Variants in IFT74 observed in about 807,000 individuals in gnomAD.
IFT74 encodes the protein intraflagellar transport 74.
Under a neutral mutation model 96.7 loss-of-function variants are expected in IFT74, and 92 were observed. The observed-to-expected ratio is 0.95, with a 90% CI of 0.80 to 1.13. The LOEUF (loss-of-function observed/expected upper bound fraction) is 1.13. Among genes scored for constraint, IFT74 ranks in the 50% most tolerant of loss-of-function variants. The pLI is 0.00. For missense variants in IFT74, 811 were observed against 698.2 expected (o/e 1.16, Z -1.82); for synonymous variants, 223 against 213.2 (o/e 1.05, Z -0.40).
Position 26,988,733 on chromosome 9 carries a change from GA to G in IFT74, c.525+9del. The G allele has an allele frequency of 3.3e-6, 5 of 1,525,638 alleles. No individual in the cohort carries two copies. The highest frequency in any genetic ancestry group is 4.5e-6 in the Non-Finnish European group (5 of 1,119,900). 94.5% of individuals were successfully genotyped at this position (1,525,638 alleles called of 1,614,324 possible). The stretch of plus-strand genomic sequence containing the variant: ...GTAATGAATGATTACAATATGGTAA[GA>G]AAATTTATAAAAGCAAATTGATCTA... On this transcript the variant is annotated splice_donor_region_variant and intron_variant, in intron 7 of 19. Coordinates refer to ENST00000380062, the MANE Select transcript of IFT74 (RefSeq NM_025103.4).
chr9:27,062,024 G>C (rs1820448369), intron 19 of IFT74, among the ~76,000 whole-genome samples: 1 of 152,168 alleles, frequency 6.6e-6, no homozygotes, highest in African/African-American at 2.4e-5. Flanking sequence ...ACTAGATCCT[G>C]ACTCAGTGGC....
intron 13 of IFT74, among the ~76,000 whole-genome samples, chr9:27,029,886 C>G (rs940015548): frequency 1.3e-5 from 2 of 152,158 alleles, no homozygotes; most frequent in Non-Finnish European, 2.9e-5. Context: ...CCACCCAGGT[C>G]TAGTAATGAA....
intron 10 of IFT74, among the ~76,000 whole-genome samples, chr9:27,015,187 C>T (rs1030719422): frequency 6.6e-6 from 1 of 152,152 alleles, no homozygotes; most frequent in African/African-American, 2.4e-5. Flanking sequence ...AAAATATCTG[C>T]ATTTCTTCTA....
At chr9:27,061,486 T>C (rs1820419603) in intron 19 of IFT74, among the ~76,000 whole-genome samples, 2 of 152,032 alleles carry the variant, frequency 1.3e-5, no homozygotes, top group Non-Finnish European at 2.9e-5. Context: ...CTCGCCAACT[T>C]AGCCAGGCTG....
At chr9:26,971,267 C>A (rs1250395331) in intron 2 of IFT74, among the ~76,000 whole-genome samples, 1 of 152,156 alleles carries the variant, frequency 6.6e-6, no homozygotes, top group Non-Finnish European at 1.5e-5. Flanking sequence ...ATCTCTTCCC[C>A]TGAGGAGTGA....
rs370049734 is a variant in IFT74 at position 26,957,210 on chromosome 9, A to T, written c.-20+694A>T. On this transcript the variant is annotated intron_variant, in intron 1 of 19. Coordinates refer to ENST00000380062, the MANE Select transcript of IFT74 (RefSeq NM_025103.4). ...TATTTGTTGCTAATGCCCGCCTCTT[A>T]ATCCCACTGGTAATAATATAATGGT... Among the ~76,000 whole-genome samples the T allele has an allele frequency of 3.3e-5, 5 of 152,338 alleles. No individual in the cohort carries two copies. In the East Asian group the frequency reaches 7.7e-4, roughly 24 times the overall value.
chr9:26,975,933 C>T lies in IFT74; in HGVS notation c.121-2195C>T, dbSNP rs547908397. On this transcript the variant is annotated intron_variant, in intron 2 of 19. Transcript: ENST00000380062. ...CTGCCACATGAGGTGACCACGGGAC[C>T]GTGCAGATAGGACCCACTCAATCCA... Among the ~76,000 whole-genome samples, 15 of 151,888 alleles carry T rather than the reference C, an allele frequency of 9.9e-5. No homozygotes were observed. In the East Asian group the frequency reaches 1.4e-3, roughly 14 times the overall value.
intron 13 of IFT74, among the ~76,000 whole-genome samples, chr9:27,030,484 G>C (rs1830069071): frequency 1.4e-5 from 2 of 145,458 alleles, no homozygotes; most frequent in South Asian, 4.4e-4. Context: ...GGAGGCGGAG[G>C]TTGCAGTGAG....
intron 12 of IFT74, among the ~76,000 whole-genome samples, chr9:27,028,057 C>T (rs1394764084): frequency 6.6e-6 from 1 of 152,186 alleles, no homozygotes; most frequent in Non-Finnish European, 1.5e-5. Flanking sequence ...AAATACTCTT[C>T]TTTCCCCATT....
intron 13 of IFT74, among the ~76,000 whole-genome samples, chr9:27,044,471 C>T (rs1184414858): frequency 6.6e-6 from 1 of 152,116 alleles, no homozygotes; most frequent in Non-Finnish European, 1.5e-5. Flanking sequence ...TCTCAGCACC[C>T]ATAGTGTTCA....
rs945165832 is a variant in IFT74, at chr9:27,063,614, T to C, written c.*878T>C. Among the ~76,000 whole-genome samples the C allele has an allele frequency of 1.3e-5, 2 of 152,118 alleles. No individual in the cohort carries two copies. The highest frequency in any genetic ancestry group is 2.9e-5 in the Non-Finnish European group (2 of 67,966). On this transcript the variant is annotated 3_prime_UTR_variant, in exon 20 of 20. Coordinates refer to ENST00000380062, the MANE Select transcript of IFT74 (RefSeq NM_025103.4). ...GAGTCACCTTGGCCAGCATAAAATATTACTTAAAACTATCCTGTTTTTGCT... is the reference window on the plus strand; with the variant it reads ...GAGTCACCTTGGCCAGCATAAAATACTACTTAAAACTATCCTGTTTTTGCT...
chr9:27,004,137 A>T (rs924285669), intron 8 of IFT74, among the ~76,000 whole-genome samples: 1 of 152,214 alleles, frequency 6.6e-6, no homozygotes, highest in Non-Finnish European at 1.5e-5. Context: ...CAGGTGAAAA[A>T]AGTAATGGAG....
intron 2 of IFT74, among the ~76,000 whole-genome samples, chr9:26,973,019 G>A (rs2131510989): frequency 6.6e-6 from 1 of 152,216 alleles, no homozygotes; most frequent in South Asian, 2.1e-4. Context: ...AAGACGTTAG[G>A]GGAGTCTGTA....
intron 11 of IFT74, 134 bp from the exon 12 acceptor site, chr9:27,018,513 C>A (rs977827831): frequency 1.1e-5 from 5 of 451,496 alleles, no homozygotes; most frequent in Middle Eastern, 1.2e-3. Context: ...AGGTTGAAAT[C>A]TAAAAAATAG....
rs1828931859 is a variant in IFT74 at position 27,009,142 on chromosome 9, A to G, written c.710A>G (p.Asn237Ser). The G allele has an allele frequency of 6.2e-7, 1 of 1,612,448 alleles. No individual in the cohort carries two copies. The highest frequency in any genetic ancestry group is 1.7e-5 in the Admixed American group (1 of 59,924). Residue 237 changes from asparagine (N) to serine (S), a missense_variant, in exon 9 of 20, where the codon AAT (asparagine) becomes AGT (serine). Physicochemically the swap from Asn to Ser is conservative, Grantham distance 46. Transcript: ENST00000380062. ...QVKYLEMKTT[N>S]EKLLQELDTL... Reference sequence around the variant, plus strand: ...AAGTACCTAGAGATGAAAACCACAAATGAGAAACTGTTACAGGTAATACAA... The same window carrying G: ...AAGTACCTAGAGATGAAAACCACAAGTGAGAAACTGTTACAGGTAATACAA...
chr9:26,970,668 C>G (rs950439514), intron 2 of IFT74, among the ~76,000 whole-genome samples: 1 of 152,238 alleles, frequency 6.6e-6, no homozygotes, highest in Non-Finnish European at 1.5e-5. Flanking sequence ...ACATTGTCTT[C>G]TAAAGATCAC....
intron 13 of IFT74, among the ~76,000 whole-genome samples, chr9:27,033,878 A>G (rs189049038): frequency 2.6e-5 from 4 of 152,342 alleles, no homozygotes; most frequent in Non-Finnish European, 4.4e-5. Context: ...CAAAAGCAGT[A>G]TGTGAAGGTG....
chr9:27,033,514 A>G (rs1160560518), intron 13 of IFT74, among the ~76,000 whole-genome samples: 4 of 148,122 alleles, frequency 2.7e-5, no homozygotes, highest in Non-Finnish European at 5.9e-5. Context: ...AGCCGAAATC[A>G]CTCCAACCAA....
chr9:27,001,163 T>C (rs1828462320), intron 8 of IFT74, among the ~76,000 whole-genome samples: 1 of 152,196 alleles, frequency 6.6e-6, no homozygotes, highest in Non-Finnish European at 1.5e-5. Context: ...TGAATAATAT[T>C]CCATTGTATA....
Sources: gnomAD v4.1 joint callset for allele counts (sites outside exome capture counted in the v4.1 genomes callset) on GRCh38, gnomAD v4.1.1 for gene constraint, MANE v1.5 for transcripts, NCBI Gene and HGNC (gene_info 2026-07-23, HGNC 2026-07-21) for gene names.